Variants in TUBGCP5 observed in about 807,000 individuals in gnomAD.
The protein encoded by TUBGCP5 is tubulin gamma complex component 5.
In TUBGCP5, 98 loss-of-function variants were observed where a neutral mutation model predicts 134.7. The observed-to-expected ratio is 0.73, with a 90% CI of 0.62 to 0.86. The LOEUF is 0.86. Ranked by LOEUF, TUBGCP5 falls within the 40% of genes least tolerant of loss-of-function variation. TUBGCP5 has a pLI of 0.00. For synonymous variants in TUBGCP5, 456 were observed against 431.4 expected (o/e 1.06, Z -0.71); for missense variants, 1,150 against 1,244.8 (o/e 0.92, Z 1.15).
chr15:23,003,287 T>C, intron 20 of TUBGCP5, 134 bp from the exon 21 acceptor site: 1 of 770,254 alleles, frequency 1.3e-6, no homozygotes. Flanking sequence ...TATGGAAGGG[T>C]ACTAGGCTCT....
chr15:23,037,244 T>A (rs2066643605), intron 1 of TUBGCP5, 92 bp from the exon 2 acceptor site: 2 of 1,174,086 alleles, frequency 1.7e-6, no homozygotes, highest in African/African-American at 3.1e-5. Context: ...ATATGCTCTG[T>A]ACTCAGCTAC....
intron 23 of TUBGCP5, among the ~76,000 whole-genome samples, chr15:22,986,133 C>CA (rs35699215): frequency 2.5e-3 from 288 of 114,050 alleles, no homozygotes; most frequent in East Asian, 0.012. Context: ...GACTCTGTCT[C>CA]AAAAAAAAAA....
chr15:23,012,575 T>G (rs2065098572), intron 13 of TUBGCP5, among the ~76,000 whole-genome samples: 2 of 152,172 alleles, frequency 1.3e-5, no homozygotes, highest in Admixed American at 6.5e-5. Context: ...GCCCAGCTAA[T>G]TTTTGTATTT....
intron 23 of TUBGCP5, among the ~76,000 whole-genome samples, chr15:22,986,904 T>G (rs1466947198): frequency 6.6e-6 from 1 of 152,238 alleles, no homozygotes; most frequent in South Asian, 2.1e-4. Flanking sequence ...AAGCATATTA[T>G]GTCAGTCAGG....
Position 22,988,540 on chromosome 15 carries a change from TG to T in TUBGCP5, c.*62-4930del, listed in dbSNP as rs531355159. Among the ~76,000 whole-genome samples, 218 of 151,548 alleles carry T rather than the reference TG, an allele frequency of 1.4e-3. 3 individuals carry two copies. Among genetic ancestry groups the T allele is most frequent in the Non-Finnish European group, 2.0e-3 (134 of 67,942 alleles). ...CGAGGTCAGGAGATCGAGACCATCC[TG>T]GCTAACACAGTGAAACCCCGTCTCT... On this transcript the variant is annotated intron_variant and NMD_transcript_variant, in intron 23 of 23. Transcript: ENST00000614508.
intron 23 of TUBGCP5, among the ~76,000 whole-genome samples, chr15:22,984,513 C>T (rs62009539): frequency 1.3e-5 from 2 of 151,914 alleles, no homozygotes; most frequent in East Asian, 3.9e-4. Context: ...CCAGCTACCC[C>T]GGGGGCTGAG....
rs141665640 is a variant in TUBGCP5, at chr15:23,015,534, T to A, written c.1756+2239A>T. Among the ~76,000 whole-genome samples, 60 of 152,002 alleles carry A rather than the reference T, an allele frequency of 3.9e-4. No homozygotes were observed. The East Asian group carries it at 0.012, about 30-fold the overall frequency. On this transcript the variant is annotated intron_variant, in intron 13 of 22. Coordinates refer to ENST00000615383, the MANE Select transcript of TUBGCP5 (RefSeq NM_052903.6). ...GCACATGCCTGTAATCCCATCTACT[T>A]GAGAGACTGAGGCAAGAGAATGACT...
rs34465581 is a variant in TUBGCP5, at chr15:23,037,101, T to C, written c.198A>G (p.Glu66=). The change falls in exon 2 of 23, where the codon GAA becomes GAG. Residue 66 remains glutamate, a splice_region_variant and synonymous_variant. Transcript: ENST00000615383. ...CGTATATATACACACTGACTTACCC[T>C]TCGATTGTTTTTTCTATTTTGTGGC... ...VNSHKIEKTI[E]GIYEKFVIHS... 1.8e-3 allele frequency: 2,973 copies of C among 1,613,786 alleles called. 21 individuals carry two copies. The African/African-American group carries it at 0.023, about 13-fold the overall frequency.
chr15:23,013,670 C>T lies in TUBGCP5; in HGVS notation c.1757-2339G>A, dbSNP rs1402973624. On this transcript the variant is annotated intron_variant, in intron 13 of 22. Coordinates refer to ENST00000615383, the MANE Select transcript of TUBGCP5 (RefSeq NM_052903.6). The surrounding 1 kb of genome is among the most constrained non-coding windows in gnomAD (Gnocchi z 4.5). Reference sequence around the variant, plus strand: ...CCACAAACACCTACAGTCATTACTACAGGAGGATTCCACAGTTCCCACGAG... The same window carrying T: ...CCACAAACACCTACAGTCATTACTATAGGAGGATTCCACAGTTCCCACGAG... 6.6e-6 allele frequency among the ~76,000 whole-genome samples: 1 copy of T among 152,188 alleles called. No individual in the cohort carries two copies. The highest frequency in any genetic ancestry group is 1.5e-5 in the Non-Finnish European group (1 of 68,036).
chr15:23,001,997 A>G (rs1239596189), intron 21 of TUBGCP5, among the ~76,000 whole-genome samples: 1 of 152,130 alleles, frequency 6.6e-6, no homozygotes, highest in East Asian at 1.9e-4. Context: ...TAACTTATCC[A>G]TAAACTGCGA....
chr15:23,027,920 G>A (rs2066073413), intron 6 of TUBGCP5, among the ~76,000 whole-genome samples: 2 of 151,926 alleles, frequency 1.3e-5, no homozygotes, highest in Non-Finnish European at 2.9e-5. Context: ...GGTAACTGAA[G>A]ACCTTCCCAA....
chr15:23,018,264 C>T lies in TUBGCP5; in HGVS notation c.1488-223G>A, dbSNP rs575998104. On this transcript the variant is annotated intron_variant, in intron 12 of 22. Coordinates refer to ENST00000615383, the MANE Select transcript of TUBGCP5 (RefSeq NM_052903.6). ...GTAAAATTTAAGTAGAAATAGTTTC[C>T]TGAATTGGAATTATTTAAAATATGA... Among the ~76,000 whole-genome samples, 26 of 152,178 alleles carry T rather than the reference C, an allele frequency of 1.7e-4. No homozygotes were observed. The South Asian group carries it at 5.2e-3, about 30-fold the overall frequency.
Position 23,003,139 on chromosome 15 carries a change from T to C in TUBGCP5, c.2853A>G (p.Lys951=), listed in dbSNP as rs1453579689. ...CLLREKVSFV[K]EAIMKVLNLA... is the part of the protein sequence containing the mutation. ...AGTTCAACACCTTCATGATAGCTTC[T>C]TTCACAAAGCTGACCTGCAGACCAA... The change falls in exon 21 of 23, where the codon AAA becomes AAG. Residue 951 remains lysine (K), a synonymous_variant. Coordinates refer to ENST00000615383, the MANE Select transcript of TUBGCP5 (RefSeq NM_052903.6). 3.7e-6 allele frequency: 6 copies of C among 1,614,060 alleles called. No individual in the cohort carries two copies. The African/African-American group carries it at 5.3e-5, about 14-fold the overall frequency.
intron 14 of TUBGCP5, among the ~76,000 whole-genome samples, 153 bp from the exon 15 acceptor site, chr15:23,010,286 G>A (rs1168768692): frequency 1.3e-5 from 2 of 152,198 alleles, no homozygotes; most frequent in African/African-American, 4.8e-5. Context: ...TATCCTTTGA[G>A]TGAACCAGTC....
At chr15:23,010,184 C>G in intron 14 of TUBGCP5, 51 bp from the exon 15 acceptor site, 1 of 1,560,936 alleles carries the variant, frequency 6.4e-7, no homozygotes, top group Non-Finnish European at 8.7e-7. Flanking sequence ...GTCAACAGAA[C>G]TCTCTTAAAT....
At chr15:23,023,686 C>T (rs759996274) in intron 10 of TUBGCP5, 1 of 338,564 alleles carries the variant, frequency 3.0e-6, no homozygotes, top group Non-Finnish European at 5.4e-6. Flanking sequence ...ACCTGGCTGT[C>T]TCTGGAGAGG....
chr15:23,002,783 C>A (rs577766824), intron 21 of TUBGCP5, among the ~76,000 whole-genome samples: 1 of 152,038 alleles, frequency 6.6e-6, no homozygotes, highest in Non-Finnish European at 1.5e-5. Context: ...TTTAACAAAA[C>A]GTACACAATA....
At chr15:23,005,768 G>T (rs2064671479) in intron 18 of TUBGCP5, 158 bp from the exon 19 acceptor site, 2 of 789,142 alleles carry the variant, frequency 2.5e-6, no homozygotes, top group Non-Finnish European at 3.9e-6. Context: ...TCTGGAAGGT[G>T]CAGTGGGAAA....
intron 1 of TUBGCP5, among the ~76,000 whole-genome samples, chr15:23,039,038 A>T (rs1005716117): frequency 6.6e-6 from 1 of 152,044 alleles, no homozygotes; most frequent in Non-Finnish European, 1.5e-5. Flanking sequence ...AATTTAAAAA[A>T]AAAAAAAATT....
Sources: allele counts gnomAD v4.1 joint callset (sites outside exome capture counted in the v4.1 genomes callset), GRCh38; gene constraint gnomAD v4.1.1; non-coding constraint Gnocchi (gnomAD v3.1); transcripts MANE v1.5; gene names NCBI Gene and HGNC (gene_info 2026-07-23, HGNC 2026-07-21).